CNBD2: variants seen among roughly 807,000 people sequenced by gnomAD.
CNBD2 encodes cyclic nucleotide-binding domain-containing protein 2.
A neutral mutation model predicts 63.7 loss-of-function variants in CNBD2; 64 were observed. The ratio of observed to expected loss-of-function variants is 1.00; its 90% confidence interval spans 0.82 to 1.24. The LOEUF is 1.24. Among genes scored for constraint, CNBD2 ranks in the 50% most tolerant of loss-of-function variants. CNBD2 has a pLI of 0.00. For synonymous variants in CNBD2, 229 were observed against 255.4 expected (o/e 0.90, Z 0.99); for missense variants, 691 against 713.5 (o/e 0.97, Z 0.36).
chr20:35,965,175 C>G (rs2056335856), upstream of CNBD2, among the ~76,000 whole-genome samples: 1 of 150,096 alleles, frequency 6.7e-6, no homozygotes, highest in Non-Finnish European at 1.5e-5. Flanking sequence ...TTCTCTCTCC[C>G]TCTCTCTCTT....
intron 7 of CNBD2, among the ~76,000 whole-genome samples, chr20:35,992,431 TA>T (rs569868053): frequency 6.6e-6 from 1 of 152,188 alleles, no homozygotes. Flanking sequence ...GGGTGCTTTT[TA>T]AAAAGGCAGA....
chr20:36,004,141 T>C (rs2590980), intron 8 of CNBD2, among the ~76,000 whole-genome samples: 5,453 of 152,262 alleles, frequency 0.036, 348 homozygotes, highest in African/African-American at 0.13. Context: ...TGCTGTATCC[T>C]GTTAGACGTG....
At chr20:35,956,887 G>A (rs1447512838), downstream of CNBD2, among the ~76,000 whole-genome samples, 3 of 152,220 alleles carry the variant, frequency 2.0e-5, no homozygotes, top group East Asian at 5.8e-4. Flanking sequence ...GTGAGTAGGA[G>A]CAAAACTGTG....
downstream of CNBD2, chr20:35,955,512 C>T (rs892066597): frequency 3.9e-5 from 6 of 152,174 alleles, no homozygotes; most frequent in African/African-American, 1.4e-4. Context: ...ATACCCAGCT[C>T]AGAGTTGTTA....
At chr20:35,974,223 C>A (rs1368729461) in intron 2 of CNBD2, 1 of 153,690 alleles carries the variant, frequency 6.5e-6, no homozygotes, top group African/African-American at 2.4e-5. Flanking sequence ...CCAAACCAAA[C>A]AAGGCTGCAG....
At chr20:36,030,300 C>A in intron 11 of CNBD2, 57 bp from the exon 12 acceptor site, 1 of 1,566,806 alleles carries the variant, frequency 6.4e-7, no homozygotes. Flanking sequence ...TGGCAGGAGG[C>A]AAGGCTGGAG....
chr20:35,956,264 C>G (rs534487797), downstream of CNBD2, among the ~76,000 whole-genome samples: 15 of 152,296 alleles, frequency 9.8e-5, no homozygotes, highest in East Asian at 2.1e-3. Flanking sequence ...GCCTGAAAAC[C>G]TTGAAAGTCG....
At chr20:35,954,767 G>T in exon 1 of CNBD2, 1 of 502,830 alleles carries the variant, frequency 2.0e-6, no homozygotes, top group Non-Finnish European at 3.3e-6. Flanking sequence ...ACCTTTGCGT[G>T]CGGGCGCCCC....
intron 8 of CNBD2, among the ~76,000 whole-genome samples, chr20:36,002,434 A>G (rs2590982): frequency 0.036 from 5,450 of 151,960 alleles, 348 homozygotes; most frequent in African/African-American, 0.13. Context: ...GAGACGGAGA[A>G]GGAGAGGGAG....
At chr20:35,955,050 T>C (rs1235969857) in exon 1 of CNBD2, 1 of 171,700 alleles carries the variant, frequency 5.8e-6, no homozygotes, top group Non-Finnish European at 1.4e-5. Context: ...CCCTTTGCTG[T>C]TGTTATTTTT....
At chr20:35,954,738 C>A (rs2056233505) in exon 1 of CNBD2, 2 of 805,484 alleles carry the variant, frequency 2.5e-6, no homozygotes, top group South Asian at 3.5e-5. Context: ...TATCCGTGCG[C>A]CGCTTCGGTT....
chr20:35,991,632 C>T (rs182210061), intron 7 of CNBD2, among the ~76,000 whole-genome samples: 23 of 152,230 alleles, frequency 1.5e-4, no homozygotes, highest in Non-Finnish European at 2.6e-4. Flanking sequence ...AAATCCTTTA[C>T]AATATTTTCT....
intron 8 of CNBD2, among the ~76,000 whole-genome samples, chr20:35,995,409 C>A (rs537571918): frequency 2.6e-5 from 4 of 152,232 alleles, no homozygotes; most frequent in African/African-American, 4.8e-5. Context: ...TATCCCCCAC[C>A]CTTTTTTTCA....
At chr20:35,972,433 A>G (rs890435610) in intron 1 of CNBD2, among the ~76,000 whole-genome samples, 196 bp from the exon 2 acceptor site, 13 of 152,170 alleles carry the variant, frequency 8.5e-5, no homozygotes, top group East Asian at 3.9e-4. Flanking sequence ...TACTCCTACC[A>G]TGGCCAGTTT....
At chr20:35,966,980 A>G (rs971998371), upstream of CNBD2, among the ~76,000 whole-genome samples, 1 of 152,148 alleles carries the variant, frequency 6.6e-6, no homozygotes, top group Non-Finnish European at 1.5e-5. Context: ...CTGTGTGCTT[A>G]CTTAAAAGCT....
intron 10 of CNBD2, among the ~76,000 whole-genome samples, chr20:36,015,668 G>C (rs1335677589): frequency 2.6e-5 from 4 of 152,150 alleles, no homozygotes; most frequent in African/African-American, 9.7e-5. Flanking sequence ...CCACCTAAAA[G>C]ATCTCCCAAT....
intron 10 of CNBD2, among the ~76,000 whole-genome samples, chr20:36,016,019 A>G (rs1352857332): frequency 6.6e-6 from 1 of 152,228 alleles, no homozygotes; most frequent in Non-Finnish European, 1.5e-5. Context: ...CAACAGTAAA[A>G]CATCATGTTA....
chr20:35,954,744 C>G, exon 1 of CNBD2: 1 of 740,808 alleles, frequency 1.3e-6, no homozygotes, highest in African/African-American at 1.9e-5. Context: ...TGCGCCGCTT[C>G]GGTTTGCAGG....
intron 10 of CNBD2, among the ~76,000 whole-genome samples, chr20:36,014,009 G>A (rs968950294): frequency 1.3e-5 from 2 of 151,768 alleles, no homozygotes; most frequent in African/African-American, 2.4e-5. Flanking sequence ...GTGAAACCCC[G>A]TCTCTACTAA....
Sources: allele counts gnomAD v4.1 joint callset (sites outside exome capture counted in the v4.1 genomes callset), GRCh38; gene constraint gnomAD v4.1.1; transcripts MANE v1.5; gene names NCBI Gene and HGNC (gene_info 2026-07-23, HGNC 2026-07-21).